SPAG9: variants seen among roughly 807,000 people sequenced by gnomAD.
SPAG9 encodes sperm associated antigen 9, also known as C-Jun-amino-terminal kinase-interacting protein 4.
Under a neutral mutation model 166.5 loss-of-function variants are expected in SPAG9, and 35 were observed. That is an observed-to-expected ratio of 0.21 (90% CI 0.16 to 0.28). The LOEUF is 0.28. Ranked by LOEUF, SPAG9 falls within the 10% of genes least tolerant of loss-of-function variation. The pLI, the probability that SPAG9 is intolerant of heterozygous loss-of-function variation, is 1.00. For missense variants in SPAG9, 1,235 were observed against 1,603.3 expected (o/e 0.77, Z 3.92); for synonymous variants, 534 against 565.5 (o/e 0.94, Z 0.79).
intron 29 of SPAG9, among the ~76,000 whole-genome samples, chr17:50,970,240 G>A (rs1328133588): frequency 1.3e-5 from 2 of 152,118 alleles, no homozygotes; most frequent in Non-Finnish European, 1.5e-5. Context: ...ACCAAGGGCC[G>A]GGTGCGGTGG....
At chr17:51,080,873 C>A (rs1555656140) in intron 1 of SPAG9, among the ~76,000 whole-genome samples, 2 of 103,710 alleles carry the variant, frequency 1.9e-5, no homozygotes, top group Non-Finnish European at 3.5e-5. Context: ...GGCTACAGAG[C>A]AAGACTCTAT....
intron 5 of SPAG9, among the ~76,000 whole-genome samples, chr17:51,041,115 G>C (rs867048434): frequency 6.6e-6 from 1 of 152,084 alleles, no homozygotes; most frequent in African/African-American, 2.4e-5. Flanking sequence ...TTGTTTTTCT[G>C]TAAGTGAAAC....
At chr17:51,005,066 A>G (rs2045144508) in intron 12 of SPAG9, 146 bp downstream of exon 12, 3 of 669,420 alleles carry the variant, frequency 4.5e-6, no homozygotes, top group Non-Finnish European at 7.6e-6. Context: ...ATGCAGAAGC[A>G]TGAGCTATCC....
rs2049431404 is a variant in SPAG9, at chr17:51,120,114, C to T, written c.303+240G>A. Among the ~76,000 whole-genome samples the T allele has an allele frequency of 6.6e-6, 1 of 152,226 alleles. No homozygotes were observed. Among genetic ancestry groups the T allele is most frequent in the African/African-American group, 2.4e-5 (1 of 41,474 alleles). ...TCAGGCCAGGCTGCCGCTTCCTCCC[C>T]GGGCCCTGCCTCCTCCATCTCGCTC... On this transcript the variant is annotated intron_variant, in intron 1 of 29. Transcript: ENST00000262013. This position sits in a 1 kb window ranked among gnomAD's most constrained non-coding sequence, Gnocchi z 4.7.
rs534885431 is a variant in SPAG9 at position 50,978,696 on chromosome 17, G to C, written c.3409+1050C>G. On this transcript the variant is annotated intron_variant, in intron 26 of 29. Coordinates refer to ENST00000262013, the MANE Select transcript of SPAG9 (RefSeq NM_001130528.3). ...ACCTGAAAGCTAAGTAAGTAAAAAGGGACCAAGAAGAACTTCCCAGGTAGA... is the reference window on the plus strand; with the variant it reads ...ACCTGAAAGCTAAGTAAGTAAAAAGCGACCAAGAAGAACTTCCCAGGTAGA... Among the ~76,000 whole-genome samples, 11 of 152,278 alleles carry C rather than the reference G, an allele frequency of 7.2e-5. No homozygotes were observed. The South Asian group carries it at 1.9e-3, about 26-fold the overall frequency.
intron 2 of SPAG9, among the ~76,000 whole-genome samples, chr17:51,059,779 CAAA>C (rs1343038817): frequency 6.6e-6 from 1 of 151,462 alleles, no homozygotes; most frequent in African/African-American, 2.4e-5. Flanking sequence ...AAAAAACAAA[CAAA>C]CAAACAAACA....
chr17:50,966,640 C>T (rs768259529), intron 29 of SPAG9, among the ~76,000 whole-genome samples: 3 of 152,182 alleles, frequency 2.0e-5, no homozygotes, highest in Non-Finnish European at 4.4e-5. Context: ...CACTATACTA[C>T]GTTAAAAAGC....
At chr17:51,027,549 T>C (rs2144257262) in intron 6 of SPAG9, among the ~76,000 whole-genome samples, 1 of 152,216 alleles carries the variant, frequency 6.6e-6, no homozygotes. Context: ...GACATTTTGG[T>C]CAATAATAGA....
intron 28 of SPAG9, 83 bp downstream of exon 28, chr17:50,974,688 C>T: frequency 1.6e-6 from 2 of 1,254,544 alleles, no homozygotes; most frequent in Non-Finnish European, 2.2e-6. Context: ...AGTACTTAGC[C>T]TTAGACTATT....
At chr17:50,967,916 G>GTTAA (rs1973483143) in intron 29 of SPAG9, among the ~76,000 whole-genome samples, 1 of 152,180 alleles carries the variant, frequency 6.6e-6, no homozygotes, top group East Asian at 1.9e-4. Flanking sequence ...GCCAAACCTG[G>GTTAA]TTAAGCAATT....
intron 1 of SPAG9, among the ~76,000 whole-genome samples, chr17:51,098,957 G>A (rs936210684): frequency 2.0e-4 from 30 of 152,082 alleles, no homozygotes; most frequent in African/African-American, 6.5e-4. Flanking sequence ...AAAATTAGCC[G>A]AGTGTGGCGG....
chr17:51,104,806 G>A (rs1041887077), intron 1 of SPAG9, among the ~76,000 whole-genome samples: 32 of 151,618 alleles, frequency 2.1e-4, no homozygotes, highest in African/African-American at 7.7e-4. Flanking sequence ...GGTAGCGGGC[G>A]CCTGTAGTCC....
At chr17:50,975,785 A>AT (rs1974165184) in intron 27 of SPAG9, 3 of 1,026,206 alleles carry the variant, frequency 2.9e-6, no homozygotes, top group Non-Finnish European at 4.4e-6. Flanking sequence ...TCAAGAGGGT[A>AT]TTCTAGAGGA....
At chr17:51,004,684 C>T (rs956725596) in intron 12 of SPAG9, among the ~76,000 whole-genome samples, 3 of 151,928 alleles carry the variant, frequency 2.0e-5, no homozygotes, top group South Asian at 2.1e-4. Flanking sequence ...GAGCTGAGAT[C>T]GCAGAACTGC....
intron 1 of SPAG9, among the ~76,000 whole-genome samples, chr17:51,088,762 C>T (rs1320500425): frequency 6.6e-6 from 1 of 151,600 alleles, no homozygotes; most frequent in Non-Finnish European, 1.5e-5. Flanking sequence ...CGTGCCACTG[C>T]ACTCCAGCCT....
intron 26 of SPAG9, 54 bp downstream of exon 26, chr17:50,979,692 A>G: frequency 6.5e-7 from 1 of 1,539,216 alleles, no homozygotes; most frequent in South Asian, 1.1e-5. Flanking sequence ...ACATAGATAG[A>G]TAAAATAAAA....
intron 28 of SPAG9, among the ~76,000 whole-genome samples, chr17:50,971,836 C>T (rs1973845964): frequency 6.6e-6 from 1 of 151,476 alleles, no homozygotes; most frequent in African/African-American, 2.4e-5. Context: ...GGCGCGATCT[C>T]GGCTCACTGC....
chr17:51,118,760 C>T lies in SPAG9; in HGVS notation c.303+1594G>A, dbSNP rs568064288. On this transcript the variant is annotated intron_variant, in intron 1 of 29. Transcript: ENST00000262013. The stretch of plus-strand genomic sequence containing the variant: ...AAGCTCTTGAAATAGTCCATTCTGG[C>T]GGGGTGCGGTGGCTCATGCCTGTAA... Among the ~76,000 whole-genome samples, 4 of 152,234 alleles carry T rather than the reference C, an allele frequency of 2.6e-5. 1 individual carries two copies. The highest frequency in any genetic ancestry group is 6.8e-3 in the Middle Eastern group (2 of 294).
chr17:51,115,416 C>CTT lies in SPAG9; in HGVS notation c.303+4936_303+4937dup, dbSNP rs71355714. ...TACGTTGCCCAGGCTTGAACTCATC[C>CTT]TTTTTTTTTTTTTTTTAAAGCAAAA... On this transcript the variant is annotated intron_variant, in intron 1 of 29. Coordinates refer to ENST00000262013, the MANE Select transcript of SPAG9 (RefSeq NM_001130528.3). 9.4e-4 allele frequency among the ~76,000 whole-genome samples: 134 copies of CTT among 143,016 alleles called. 1 individual carries two copies. Among genetic ancestry groups the CTT allele is most frequent in the Middle Eastern group, 3.6e-3 (1 of 274 alleles). The allele number at this position is 143,016 out of a possible 152,430, so 93.8% of individuals were successfully genotyped here.
Sources: gnomAD v4.1 joint callset for allele counts (sites outside exome capture counted in the v4.1 genomes callset) on GRCh38, gnomAD v4.1.1 for gene constraint, Gnocchi (gnomAD v3.1) non-coding constraint, MANE v1.5 for transcripts, NCBI Gene and HGNC (gene_info 2026-07-23, HGNC 2026-07-21) for gene names.